Variants in GLRA1 observed in about 807,000 individuals in gnomAD.
GLRA1 encodes glycine receptor alpha 1.
In GLRA1, 37 loss-of-function variants were observed where a neutral mutation model predicts 48.3. The observed-to-expected ratio is 0.77, with a 90% CI of 0.59 to 1.01. The LOEUF (loss-of-function observed/expected upper bound fraction) is 1.01. Ranked by LOEUF, GLRA1 falls within the 50% of genes least tolerant of loss-of-function variation. The pLI, the probability that GLRA1 is intolerant of heterozygous loss-of-function variation, is 0.00. For missense variants in GLRA1, 427 were observed against 571.0 expected (o/e 0.75, Z 2.57); for synonymous variants, 196 against 210.7 (o/e 0.93, Z 0.60).
rs557787171 is a variant in GLRA1 at position 151,865,746 on chromosome 5, T to C, written c.253-5738A>G. On this transcript the variant is annotated intron_variant, in intron 3 of 8. Transcript: ENST00000274576. ...TTGTATTTCATAATGAGTCTCTCAT[T>C]ATGAAATGACTAATGAAAAGTTAGA... is the stretch of plus-strand genomic sequence containing the variant. Among the ~76,000 whole-genome samples the C allele has an allele frequency of 2.4e-4, 37 of 152,244 alleles. No homozygotes were observed. In the South Asian group the frequency reaches 6.8e-3, roughly 28 times the overall value.
intron 8 of GLRA1, 145 bp downstream of exon 8, chr5:151,828,776 C>T: frequency 1.2e-6 from 1 of 838,242 alleles, no homozygotes; most frequent in Admixed American, 2.3e-5. Context: ...AAGCTGAGAC[C>T]TCTAGGTCTT....
chr5:151,890,808 A>G (rs1216268527), intron 2 of GLRA1, among the ~76,000 whole-genome samples: 4 of 152,316 alleles, frequency 2.6e-5, no homozygotes, highest in South Asian at 4.1e-4. Context: ...GTGTGCTGGG[A>G]CAGCAACCTT....
intron 4 of GLRA1, 101 bp downstream of exon 4, chr5:151,859,684 T>C: frequency 1.2e-6 from 1 of 844,910 alleles, no homozygotes; most frequent in Non-Finnish European, 2.0e-6. Context: ...TGCCAGGGCC[T>C]GTTCACCTCT....
chr5:151,899,521 G>A (rs1341179580), intron 1 of GLRA1, among the ~76,000 whole-genome samples: 1 of 152,078 alleles, frequency 6.6e-6, no homozygotes, highest in Non-Finnish European at 1.5e-5. Flanking sequence ...AGCTGGGCTG[G>A]CACTCTTGGC....
At chr5:151,832,508 A>G (rs1455582114) in intron 7 of GLRA1, among the ~76,000 whole-genome samples, 2 of 152,268 alleles carry the variant, frequency 1.3e-5, no homozygotes, top group East Asian at 1.9e-4. Context: ...AGCATACACA[A>G]GTATCGATAG....
chr5:151,877,495 A>T (rs1360000600), intron 3 of GLRA1, among the ~76,000 whole-genome samples: 3 of 152,182 alleles, frequency 2.0e-5, no homozygotes, highest in African/African-American at 7.2e-5. Flanking sequence ...AAAACAAGCA[A>T]ATAACAAAAA....
chr5:151,822,778 G>T lies in GLRA1; in HGVS notation c.1245C>A (p.Ile415=). 6.2e-7 allele frequency: 1 copy of T among 1,613,852 alleles called. No homozygotes were observed. Among genetic ancestry groups the T allele is most frequent in the East Asian group, 2.2e-5 (1 of 44,874 alleles). Residue 415 remains isoleucine, a synonymous_variant, in exon 9 of 9, where the codon ATC becomes ATA. Coordinates refer to ENST00000274576, the MANE Select transcript of GLRA1 (RefSeq NM_000171.4). ...RKLFIQRAKK[I]DKISRIGFPM... is the part of the protein sequence containing the mutation. ...GGAAGCCAATGCGGGATATTTTGTC[G>T]ATCTTCTTGGCCCTCTGGATGAAGA... is the stretch of plus-strand genomic sequence containing the variant.
chr5:151,856,659 T>C (rs1753054045), intron 4 of GLRA1, among the ~76,000 whole-genome samples: 1 of 152,036 alleles, frequency 6.6e-6, no homozygotes. Context: ...GATGTGACCA[T>C]AGGCATCTGC....
At chr5:151,857,407 C>G (rs1477234233) in intron 4 of GLRA1, among the ~76,000 whole-genome samples, 3 of 152,166 alleles carry the variant, frequency 2.0e-5, no homozygotes, top group Admixed American at 6.5e-5. Flanking sequence ...AGCAAGTTGC[C>G]TGGAGGCCAG....
Position 151,851,599 on chromosome 5 carries a change from A to G in GLRA1, c.703T>C (p.Phe235Leu). The change falls in exon 7 of 9, where the codon TTC (phenylalanine) becomes CTC (leucine). Residue 235 changes from phenylalanine to leucine, a missense_variant. Physicochemically the swap from Phe to Leu is conservative, Grantham distance 22. Transcript: ENST00000274576. ...TGGAACCGGGCCTCAATGCAGGTGA[A>G]TTTACCTGCAAGAAATTGCAGTGAG... ...YCTKHYNTGK[F>L]TCIEARFHLE... The G allele has an allele frequency of 6.2e-7, 1 of 1,611,084 alleles. No individual in the cohort carries two copies. The highest frequency in any genetic ancestry group is 8.5e-7 in the Non-Finnish European group (1 of 1,177,244).
At chr5:151,850,805 C>T (rs1301800810) in intron 7 of GLRA1, 5 of 799,834 alleles carry the variant, frequency 6.3e-6, no homozygotes, top group African/African-American at 1.7e-5. Flanking sequence ...GTGGACAAGA[C>T]CTCCAGCCGT....
intron 3 of GLRA1, among the ~76,000 whole-genome samples, chr5:151,864,952 G>T (rs1262256467): frequency 6.6e-6 from 1 of 152,128 alleles, no homozygotes; most frequent in Non-Finnish European, 1.5e-5. Context: ...ACCCAGAGGG[G>T]AAAGGTATTT....
chr5:151,868,418 C>A (rs992577258), intron 3 of GLRA1, among the ~76,000 whole-genome samples: 1 of 152,074 alleles, frequency 6.6e-6, no homozygotes, highest in Non-Finnish European at 1.5e-5. Context: ...TCACAATAAC[C>A]CTGTGAGGTA....
chr5:151,867,552 C>T (rs1348725513), intron 3 of GLRA1, among the ~76,000 whole-genome samples: 1 of 152,108 alleles, frequency 6.6e-6, no homozygotes, highest in East Asian at 1.9e-4. Flanking sequence ...TAATAATTGC[C>T]CCTTATTGAG....
chr5:151,914,551 T>C (rs982790427), intron 1 of GLRA1, among the ~76,000 whole-genome samples: 7 of 152,162 alleles, frequency 4.6e-5, no homozygotes, highest in Non-Finnish European at 8.8e-5. Flanking sequence ...ACCAAGACTT[T>C]TAAAAATTCT....
chr5:151,876,917 G>C (rs570188555), intron 3 of GLRA1, among the ~76,000 whole-genome samples: 1 of 152,302 alleles, frequency 6.6e-6, no homozygotes, highest in Admixed American at 6.5e-5. Context: ...AATAAGGAGA[G>C]AAAGAGGTGC....
intron 1 of GLRA1, among the ~76,000 whole-genome samples, chr5:151,895,688 C>A (rs186417245): frequency 6.6e-6 from 1 of 150,898 alleles, no homozygotes. Context: ...GGGTCTGGGG[C>A]TGCTCCTTGT....
intron 8 of GLRA1, among the ~76,000 whole-genome samples, chr5:151,826,302 G>T (rs971361582): frequency 6.6e-6 from 1 of 152,136 alleles, no homozygotes; most frequent in Non-Finnish European, 1.5e-5. Flanking sequence ...AAACACTCCA[G>T]GCCAAAGTAC....
chr5:151,849,764 G>T, intron 7 of GLRA1: 1 of 523,902 alleles, frequency 1.9e-6, no homozygotes, highest in South Asian at 2.8e-5. Context: ...ATGTTGGCCA[G>T]GCTGGTCTCC....
Sources: gnomAD v4.1 joint callset for allele counts (sites outside exome capture counted in the v4.1 genomes callset) on GRCh38, gnomAD v4.1.1 for gene constraint, MANE v1.5 for transcripts, NCBI Gene and HGNC (gene_info 2026-07-23, HGNC 2026-07-21) for gene names.